The following CRYL1 variants were observed in gnomAD, a reference collection of about 807,000 sequenced individuals.
CRYL1 encodes crystallin lambda 1, also known as lambda-crystallin homolog.
A neutral mutation model predicts 36.6 loss-of-function variants in CRYL1; 29 were observed. That is an observed-to-expected ratio of 0.79 (90% CI 0.59 to 1.08). CRYL1 has a LOEUF of 1.08. Among genes scored for constraint, CRYL1 ranks in the 50% least tolerant of loss-of-function variants. The pLI, the probability that CRYL1 is intolerant of heterozygous loss-of-function variation, is 0.00. For missense variants in CRYL1, 411 were observed against 407.9 expected, an observed-to-expected ratio of 1.01 and a Z score of -0.06; for synonymous variants, 152 against 151.5, an observed-to-expected ratio of 1.00 and a Z score of -0.02.
intron 2 of CRYL1, among the ~76,000 whole-genome samples, chr13:20,489,843 C>G (rs923016647): frequency 2.0e-5 from 3 of 152,120 alleles, no homozygotes; most frequent in Non-Finnish European, 1.5e-5. Context: ...TTTTGTACAC[C>G]CATGTGCACA....
At position 20,459,063 on chromosome 13, in the gene CRYL1, G is replaced by A. The variant is rs545576070; in HGVS notation, c.277-19309C>T. Among the ~76,000 whole-genome samples, 14 of 151,914 alleles carry A rather than the reference G, an allele frequency of 9.2e-5. 1 individual carries two copies. The highest frequency in any genetic ancestry group is 3.9e-4 in the East Asian group (2 of 5,170). ...ATCCTGGCTAACACGGTGAAACCCCGTCTCTACTAAAAAATACAAAAAATT... is the reference window on the plus strand; with the variant it reads ...ATCCTGGCTAACACGGTGAAACCCCATCTCTACTAAAAAATACAAAAAATT... On this transcript the variant is annotated intron_variant, in intron 3 of 7. Transcript: ENST00000298248.
At chr13:20,443,957 A>G (rs2032401645) in intron 3 of CRYL1, among the ~76,000 whole-genome samples, 1 of 152,208 alleles carries the variant, frequency 6.6e-6, no homozygotes, top group African/African-American at 2.4e-5. Flanking sequence ...GAGGCGTTCT[A>G]CATTATAAAC....
intron 6 of CRYL1, among the ~76,000 whole-genome samples, chr13:20,405,407 G>A (rs1018372741): frequency 6.6e-6 from 1 of 152,204 alleles, no homozygotes; most frequent in Non-Finnish European, 1.5e-5. Context: ...GTCACCAAGT[G>A]TTTCCTCCAA....
At chr13:20,461,323 G>A (rs1389652731) in intron 3 of CRYL1, among the ~76,000 whole-genome samples, 1 of 152,164 alleles carries the variant, frequency 6.6e-6, no homozygotes, top group Admixed American at 6.5e-5. Context: ...ACCAGCATTT[G>A]CTCATGGTTT....
chr13:20,524,043 G>A (rs1477528799), intron 1 of CRYL1, among the ~76,000 whole-genome samples: 1 of 152,124 alleles, frequency 6.6e-6, no homozygotes, highest in African/African-American at 2.4e-5. Context: ...TTGCACCCAG[G>A]AGTTCAAGAC....
chr13:20,421,327 G>C (rs536222090), intron 5 of CRYL1, among the ~76,000 whole-genome samples: 6 of 152,186 alleles, frequency 3.9e-5, no homozygotes, highest in African/African-American at 1.2e-4. Flanking sequence ...ATTCTATGAG[G>C]GTAGTGATAC....
Position 20,494,206 on chromosome 13 carries a change from T to C in CRYL1, c.150-4710A>G, listed in dbSNP as rs192331809. 5.8e-4 allele frequency among the ~76,000 whole-genome samples: 89 copies of C among 152,344 alleles called. 1 individual carries two copies. Among genetic ancestry groups the C allele is most frequent in the African/African-American group, 1.9e-3 (81 of 41,574 alleles). On this transcript the variant is annotated intron_variant, in intron 2 of 7. Coordinates refer to ENST00000298248, the MANE Select transcript of CRYL1 (RefSeq NM_015974.3). ...ACATTCATATGGCAGAAGAGCTATT[T>C]GTAGCTACCAAGCAAAAACTCACTT...
intron 2 of CRYL1, among the ~76,000 whole-genome samples, chr13:20,509,030 C>T (rs2033864851): frequency 6.6e-6 from 1 of 150,942 alleles, no homozygotes; most frequent in South Asian, 2.1e-4. Context: ...CCCACCTCTA[C>T]TAAAAATACC....
At chr13:20,426,927 A>ATT in intron 5 of CRYL1, 1 of 985,614 alleles carries the variant, frequency 1.0e-6, no homozygotes, top group Non-Finnish European at 1.2e-6. Flanking sequence ...GGATGACATC[A>ATT]TTCCGAAGGA....
chr13:20,424,759 A>C (rs975020026), intron 5 of CRYL1, among the ~76,000 whole-genome samples: 1 of 152,186 alleles, frequency 6.6e-6, no homozygotes, highest in Non-Finnish European at 1.5e-5. Flanking sequence ...GAGGGAGAAC[A>C]CATCCTTTCT....
intron 2 of CRYL1, among the ~76,000 whole-genome samples, chr13:20,492,336 G>A (rs1173531794): frequency 1.3e-5 from 2 of 152,188 alleles, no homozygotes. Context: ...CAATAAAGCA[G>A]TAGCATTAAT....
chr13:20,413,658 C>T (rs532656902), intron 5 of CRYL1, among the ~76,000 whole-genome samples: 4 of 152,234 alleles, frequency 2.6e-5, no homozygotes, highest in South Asian at 2.1e-4. Context: ...TTCATATACA[C>T]CTAGCCTGAA....
intron 5 of CRYL1, among the ~76,000 whole-genome samples, chr13:20,417,960 A>G (rs1396455202): frequency 6.6e-6 from 1 of 152,236 alleles, no homozygotes; most frequent in Non-Finnish European, 1.5e-5. Context: ...ATTTATTTCA[A>G]GGAATTGGCT....
intron 3 of CRYL1, among the ~76,000 whole-genome samples, chr13:20,466,507 A>C (rs2032935865): frequency 6.6e-6 from 1 of 152,218 alleles, no homozygotes; most frequent in Non-Finnish European, 1.5e-5. Flanking sequence ...ACATCCACAC[A>C]CACGCACGCA....
Position 20,413,531 on chromosome 13 carries a change from C to T in CRYL1, c.634-144G>A, listed in dbSNP as rs1019524980. On this transcript the variant is annotated intron_variant, in intron 5 of 7. Coordinates refer to ENST00000298248, the MANE Select transcript of CRYL1 (RefSeq NM_015974.3). ...GGGTGAGTACCACTTACCGAATATG[C>T]TTATGACCAGACATGTTTTGGATGG... The T allele has an allele frequency of 8.7e-6, 5 of 571,912 alleles. No homozygotes were observed. In the East Asian group the frequency reaches 1.2e-4, roughly 13 times the overall value. The allele number at this position is 571,912 out of a possible 1,614,324, so 35.4% of individuals were successfully genotyped here. A position where few individuals can be genotyped will look rare whatever the true frequency, so the allele number is the denominator to read the frequency against.
chr13:20,414,255 T>TTGTG (rs748950328), intron 5 of CRYL1, among the ~76,000 whole-genome samples: 7 of 151,286 alleles, frequency 4.6e-5, no homozygotes, highest in African/African-American at 1.7e-4. Flanking sequence ...AAGAGATTTT[T>TTGTG]TGTGTGTGTG....
At chr13:20,432,683 C>T (rs181728601) in intron 4 of CRYL1, among the ~76,000 whole-genome samples, 1 of 152,198 alleles carries the variant, frequency 6.6e-6, no homozygotes, top group East Asian at 1.9e-4. Context: ...TTCCCATCTG[C>T]AGTCACCACA....
At chr13:20,515,650 A>G (rs1299604173) in intron 1 of CRYL1, 1 of 152,200 alleles carries the variant, frequency 6.6e-6, no homozygotes, top group African/African-American at 2.4e-5. Context: ...AACACAGATG[A>G]ATCTTGAGCA....
At chr13:20,472,563 A>C (rs954624196) in intron 3 of CRYL1, among the ~76,000 whole-genome samples, 1 of 152,150 alleles carries the variant, frequency 6.6e-6, no homozygotes, top group African/African-American at 2.4e-5. Context: ...GCTTCCTGTA[A>C]AAGTGCTGGC....
Sources: allele counts gnomAD v4.1 joint callset (sites outside exome capture counted in the v4.1 genomes callset), GRCh38; gene constraint gnomAD v4.1.1; transcripts MANE v1.5; gene names NCBI Gene and HGNC (gene_info 2026-07-23, HGNC 2026-07-21).